The following GALNTL6 variants were observed in gnomAD, a reference collection of about 807,000 sequenced individuals.
GALNTL6 encodes polypeptide N-acetylgalactosaminyltransferase-like 6.
Under a neutral mutation model 73.7 loss-of-function variants are expected in GALNTL6, and 46 were observed. The ratio of observed to expected loss-of-function variants is 0.62; its 90% CI spans 0.49 to 0.80. The LOEUF is 0.80. Ranked by LOEUF, GALNTL6 falls within the 30% of genes least tolerant of loss-of-function variation. The pLI, the probability that GALNTL6 is intolerant of heterozygous loss-of-function variation, is 0.00. For missense variants in GALNTL6, 604 were observed against 755.0 expected, an observed-to-expected ratio of 0.80 and a Z score of 2.34; for synonymous variants, 259 against 263.7, an observed-to-expected ratio of 0.98 and a Z score of 0.17.
intron 5 of GALNTL6, among the ~76,000 whole-genome samples, chr4:172,616,269 C>T (rs948195424): frequency 2.6e-5 from 4 of 152,118 alleles, no homozygotes; most frequent in South Asian, 2.1e-4. Context: ...AATGCTCAAT[C>T]GTCTATTGTA....
chr4:172,312,834 T>C (rs905553001), intron 4 of GALNTL6, among the ~76,000 whole-genome samples: 1 of 152,178 alleles, frequency 6.6e-6, no homozygotes, highest in African/African-American at 2.4e-5. Context: ...TCTCCTCATG[T>C]TTTATATGAA....
chr4:172,681,845 C>T (rs1732649185), intron 5 of GALNTL6, among the ~76,000 whole-genome samples: 1 of 152,166 alleles, frequency 6.6e-6, no homozygotes, highest in South Asian at 2.1e-4. Context: ...CCTTCTGAGT[C>T]CTCCTGTTCC....
At chr4:172,455,032 C>CGAAAA (rs1732339350) in intron 5 of GALNTL6, among the ~76,000 whole-genome samples, 1 of 152,148 alleles carries the variant, frequency 6.6e-6, no homozygotes, top group African/African-American at 2.4e-5. Context: ...CTCACTGGGA[C>CGAAAA]TGGTTAGGCA....
intron 5 of GALNTL6, among the ~76,000 whole-genome samples, chr4:172,555,658 A>C (rs1736113569): frequency 6.6e-6 from 1 of 152,078 alleles, no homozygotes; most frequent in Non-Finnish European, 1.5e-5. Context: ...TTGAAGATTT[A>C]CCCTATATTT....
At chr4:171,940,820 A>AAAATAAATAAAT (rs372040035) in intron 2 of GALNTL6, among the ~76,000 whole-genome samples, 932 of 83,224 alleles carry the variant, frequency 0.011, 2 homozygotes, top group South Asian at 0.017. Flanking sequence ...TCCATCTCAG[A>AAAATAAATAAAT]AAATAAATAA....
intron 5 of GALNTL6, among the ~76,000 whole-genome samples, chr4:172,656,583 A>C (rs1184796678): frequency 6.6e-6 from 1 of 152,182 alleles, no homozygotes; most frequent in East Asian, 1.9e-4. Flanking sequence ...CCATGTATGC[A>C]ATGACACGGT....
At chr4:172,233,776 G>A (rs1737151689) in intron 3 of GALNTL6, among the ~76,000 whole-genome samples, 1 of 151,892 alleles carries the variant, frequency 6.6e-6, no homozygotes, top group South Asian at 2.1e-4. Context: ...TTTGTATTCG[G>A]TTTTAAATTT....
rs571684081 is a variant in GALNTL6, at chr4:171,910,958, A to G, written c.138+96240A>G. 2.0e-5 allele frequency among the ~76,000 whole-genome samples: 3 copies of G among 152,224 alleles called. No homozygotes were observed. The South Asian group carries it at 6.2e-4, about 32-fold the overall frequency. On this transcript the variant is annotated intron_variant, in intron 2 of 12. Coordinates refer to ENST00000506823, the MANE Select transcript of GALNTL6 (RefSeq NM_001034845.3). The stretch of plus-strand genomic sequence containing the variant: ...AAAATTTGCACTTGGACATTCTTCT[A>G]GTTCTTTAGTTATTGATATTCCTTA...
At position 172,008,605 on chromosome 4, in the gene GALNTL6, T is replaced by C. The variant is rs116056275; in HGVS notation, c.138+193887T>C. On this transcript the variant is annotated intron_variant, in intron 2 of 12. Transcript: ENST00000506823. Reference sequence around the variant, plus strand: ...GAAGAAGAGAAATAGGGGAGAATCGTGTATCAAACCACTAAGAACAAACGA... The same window carrying C: ...GAAGAAGAGAAATAGGGGAGAATCGCGTATCAAACCACTAAGAACAAACGA... 8.4e-3 allele frequency among the ~76,000 whole-genome samples: 1,285 copies of C among 152,224 alleles called. 15 individuals carry two copies. Among genetic ancestry groups the C allele is most frequent in the African/African-American group, 0.025 (1,045 of 41,550 alleles).
At chr4:172,147,897 CAG>C (rs1297830344) in intron 2 of GALNTL6, among the ~76,000 whole-genome samples, 1 of 152,086 alleles carries the variant, frequency 6.6e-6, no homozygotes, top group Non-Finnish European at 1.5e-5. Context: ...CTGCAAATAA[CAG>C]AGACTTTTAA....
At chr4:173,012,876 G>A (rs1752615801) in intron 11 of GALNTL6, among the ~76,000 whole-genome samples, 4 of 152,132 alleles carry the variant, frequency 2.6e-5, no homozygotes, top group South Asian at 2.1e-4. Flanking sequence ...GGTGACTCGC[G>A]CCTATAATCC....
intron 2 of GALNTL6, among the ~76,000 whole-genome samples, chr4:172,138,723 G>A (rs1397493596): frequency 6.7e-6 from 1 of 149,068 alleles, no homozygotes. Context: ...TAGAGATGGG[G>A]TTTCACCCTG....
At chr4:172,472,044 A>G (rs183551584) in intron 5 of GALNTL6, among the ~76,000 whole-genome samples, 1 of 152,312 alleles carries the variant, frequency 6.6e-6, no homozygotes, top group East Asian at 1.9e-4. Context: ...GCTTATTTTA[A>G]TCTGCTATAG....
intron 5 of GALNTL6, among the ~76,000 whole-genome samples, chr4:172,749,202 ATCAT>A (rs1737288345): frequency 6.6e-6 from 1 of 152,128 alleles, no homozygotes; most frequent in Non-Finnish European, 1.5e-5. Flanking sequence ...AAAAAAGGTA[ATCAT>A]GTATGTCACT....
At chr4:172,553,574 A>T (rs577898396) in intron 5 of GALNTL6, among the ~76,000 whole-genome samples, 1 of 152,268 alleles carries the variant, frequency 6.6e-6, no homozygotes, top group South Asian at 2.1e-4. Flanking sequence ...TAGTAATATC[A>T]TGTTCATACA....
intron 2 of GALNTL6, among the ~76,000 whole-genome samples, chr4:171,918,078 G>A (rs1340399693): frequency 6.6e-6 from 1 of 152,064 alleles, no homozygotes; most frequent in Non-Finnish European, 1.5e-5. Context: ...GGGATTCACT[G>A]ATCTCTTTAA....
Position 171,967,450 on chromosome 4 carries a change from T to TTTTTTGTTTTG in GALNTL6, c.138+152737_138+152738insGTTTTGTTTTT, listed in dbSNP as rs1553976655. On this transcript the variant is annotated intron_variant, in intron 2 of 12. Transcript: ENST00000506823. ...TGTAGTTTTCTTCCCCCTATGGGTT[T>TTTTTTGTTTTG]TTTTTTTTTTTTTTTGTAGATGTAG... Among the ~76,000 whole-genome samples, 35 of 133,394 alleles carry TTTTTTGTTTTG rather than the reference T, an allele frequency of 2.6e-4. 1 individual carries two copies. Among genetic ancestry groups the TTTTTTGTTTTG allele is most frequent in the Middle Eastern group, 3.9e-3 (1 of 254 alleles). The allele number at this position is 133,394 out of a possible 152,430, so 87.5% of individuals were successfully genotyped here.
chr4:172,197,374 A>G (rs1474101371), intron 2 of GALNTL6, among the ~76,000 whole-genome samples: 1 of 152,216 alleles, frequency 6.6e-6, no homozygotes, highest in Non-Finnish European at 1.5e-5. Context: ...GCCCAAAGTA[A>G]TTCATAGATT....
intron 2 of GALNTL6, among the ~76,000 whole-genome samples, chr4:171,817,265 A>G (rs1431142878): frequency 6.6e-6 from 1 of 152,030 alleles, no homozygotes; most frequent in Admixed American, 6.5e-5. Flanking sequence ...TCTAGTTCTG[A>G]GTATCATGTG....
Sources: allele counts gnomAD v4.1 joint callset (sites outside exome capture counted in the v4.1 genomes callset), GRCh38; gene constraint gnomAD v4.1.1; transcripts MANE v1.5; gene names NCBI Gene and HGNC (gene_info 2026-07-23, HGNC 2026-07-21).